The following RILP variants were observed in gnomAD, a reference collection of about 807,000 sequenced individuals.
The protein encoded by RILP is Rab interacting lysosomal protein, also known as rab-interacting lysosomal protein.
A neutral mutation model predicts 40.0 loss-of-function variants in RILP; 53 were observed. That is an observed-to-expected ratio of 1.32 (90% CI 1.06 to 1.66). RILP has a LOEUF of 1.66. Ranked by LOEUF, RILP falls within the 40% of genes most tolerant of loss-of-function variation. RILP has a pLI of 0.00. For synonymous variants in RILP, 272 were observed against 250.6 expected (o/e 1.09, Z -0.80); for missense variants, 626 against 551.7 (o/e 1.13, Z -1.35).
Position 1,648,417 on chromosome 17 carries a change from G to A in RILP, c.754C>T (p.Leu252Phe). The change falls in exon 5 of 8, where the codon CTT becomes TTT. Residue 252 changes from leucine (L) to phenylalanine (F), a missense_variant. Transcript: ENST00000301336. This position sits in a 1 kb window ranked among gnomAD's most constrained non-coding sequence, Gnocchi z 4.9. ...GCTTTGAGTTCATTCCGCTCCTGAAGGATCTGCTCAAACTCCTCCCGACTG... is the reference window on the plus strand; with the variant it reads ...GCTTTGAGTTCATTCCGCTCCTGAAAGATCTGCTCAAACTCCTCCCGACTG... ...RFSREEFEQI[L>F]QERNELKAKV... The A allele has an allele frequency of 6.2e-7, 1 of 1,614,152 alleles. No homozygotes were observed. The highest frequency in any genetic ancestry group is 1.1e-5 in the South Asian group (1 of 91,082).
In RILP at chr17:1,649,299, G is replaced by A; in HGVS notation, c.330C>T (p.Arg110=). The change falls in exon 3 of 8, where the codon CGC becomes CGT. Residue 110 remains arginine (R), a synonymous_variant. Coordinates refer to ENST00000301336, the MANE Select transcript of RILP (RefSeq NM_031430.3). The surrounding 1 kb of genome is among the most constrained non-coding windows in gnomAD (Gnocchi z 4.3). ...RELRAGPQEE[R]ALLRQLKEVT... ...CCTCCTTGAGCTGCCGCAGCAGCGC[G>A]CGCTCCTCTGAGGAAGGGGCGTTCT... is the stretch of plus-strand genomic sequence containing the variant. The A allele has an allele frequency of 6.7e-7, 1 of 1,502,380 alleles. No homozygotes were observed. The highest frequency in any genetic ancestry group is 8.8e-7 in the Non-Finnish European group (1 of 1,132,600). 93.1% of individuals were successfully genotyped at this position (1,502,380 alleles called of 1,614,324 possible). A position where few individuals can be genotyped will look rare whatever the true frequency, so the allele number is the denominator to read the frequency against.
Position 1,648,617 on chromosome 17 carries a change from C to A in RILP, c.676-122G>T. ...GACTTGGGGGACAAGGGTGCCCTAA[C>A]AGATAACAGAGCAGTGCTCCAGCTG... On this transcript the variant is annotated intron_variant, in intron 4 of 7. Coordinates refer to ENST00000301336, the MANE Select transcript of RILP (RefSeq NM_031430.3). The surrounding 1 kb of genome is among the most constrained non-coding windows in gnomAD (Gnocchi z 4.9). The A allele has an allele frequency of 6.9e-7, 1 of 1,446,326 alleles. No homozygotes were observed. Among genetic ancestry groups the A allele is most frequent in the Admixed American group, 2.4e-5 (1 of 41,654 alleles). 89.6% of individuals were successfully genotyped at this position (1,446,326 alleles called of 1,614,324 possible).
Position 1,649,533 on chromosome 17 carries a change from G to A in RILP, c.229-28C>T. The A allele has an allele frequency of 6.6e-7, 1 of 1,505,112 alleles. No homozygotes were observed. Among genetic ancestry groups the A allele is most frequent in the East Asian group, 2.5e-5 (1 of 39,376 alleles). The allele number at this position is 1,505,112 out of a possible 1,614,324, so 93.2% of individuals were successfully genotyped here. On this transcript the variant is annotated intron_variant, in intron 1 of 7. Coordinates refer to ENST00000301336, the MANE Select transcript of RILP (RefSeq NM_031430.3). The surrounding 1 kb of genome is among the most constrained non-coding windows in gnomAD (Gnocchi z 4.3). The stretch of plus-strand genomic sequence containing the variant: ...GGGGAGACCCGGGTCTCAGGCTTCG[G>A]CCCTGCCGGCCCCGTGGGTGGCGAA...
At position 1,648,310 on chromosome 17, in the gene RILP, TG is replaced by T; in HGVS notation, c.821+39del. On this transcript the variant is annotated intron_variant, in intron 5 of 7. Coordinates refer to ENST00000301336, the MANE Select transcript of RILP (RefSeq NM_031430.3). The surrounding 1 kb of genome is among the most constrained non-coding windows in gnomAD (Gnocchi z 4.9). The stretch of plus-strand genomic sequence containing the variant: ...ACATGTCAATGACTGGAGAATGAGG[TG>T]GGGTGATCGGAGGCCCCCCGGCTTC... 1 of 1,601,038 alleles carries T rather than the reference TG, an allele frequency of 6.2e-7. No individual in the cohort carries two copies.
In RILP at chr17:1,646,304, G is replaced by C; in HGVS notation, c.*138C>G. ...GGCCCCAGAGGCTCGGTACAGAGACGTAGAGAGGGAGGCGGGCTGAGACCC... is the reference window on the plus strand; with the variant it reads ...GGCCCCAGAGGCTCGGTACAGAGACCTAGAGAGGGAGGCGGGCTGAGACCC... On this transcript the variant is annotated 3_prime_UTR_variant, in exon 8 of 8. Transcript: ENST00000301336. The surrounding 1 kb of genome is among the most constrained non-coding windows in gnomAD (Gnocchi z 4.3). 1 of 751,224 alleles carries C rather than the reference G, an allele frequency of 1.3e-6. No individual in the cohort carries two copies. Among genetic ancestry groups the C allele is most frequent in the Non-Finnish European group, 2.1e-6 (1 of 480,768 alleles). 46.5% of individuals were successfully genotyped at this position (751,224 alleles called of 1,614,324 possible).
chr17:1,647,907 T>G lies in RILP; in HGVS notation c.872A>C (p.Lys291Thr), dbSNP rs1423025694. 4.3e-6 allele frequency: 7 copies of G among 1,614,168 alleles called. No individual in the cohort carries two copies. The South Asian group carries it at 7.7e-5, about 18-fold the overall frequency. The change falls in exon 6 of 8, where the codon AAG becomes ACG. Residue 291 changes from lysine to threonine, a missense_variant. Lys to Thr is a moderately conservative substitution (Grantham distance 78). Transcript: ENST00000301336. Reference sequence around the variant, plus strand: ...CTTCCGCTGCTTCCGGACAGCCACCTTCATGGCCTCGAGCAGAAGGCCGGG... The same window carrying G: ...CTTCCGCTGCTTCCGGACAGCCACCGTCATGGCCTCGAGCAGAAGGCCGGG... ...RVPGLLLEAM[K>T]VAVRKQRKKI...
chr17:1,648,885 G>A lies in RILP; in HGVS notation c.589C>T (p.Gln197Ter), dbSNP rs1370336717. The change falls in exon 4 of 8, where the codon CAG becomes TAG. Residue 197 changes from glutamine (Q) to a stop codon, truncating the protein, a stop_gained. Coordinates refer to ENST00000301336, the MANE Select transcript of RILP (RefSeq NM_031430.3). LOFTEE classifies it high-confidence loss of function. This position sits in a 1 kb window ranked among gnomAD's most constrained non-coding sequence, Gnocchi z 4.9. Reference protein sequence around the residue: ...TPQAKERARGQAGRPGHQHGQ... With the variant: ...TPQAKERARG Reference sequence around the variant, plus strand: ...TGCTGGTGCCCGGGCCGCCCGGCCTGCCCCCGCGCTCGCTCTTTAGCCTGC... The same window carrying A: ...TGCTGGTGCCCGGGCCGCCCGGCCTACCCCCGCGCTCGCTCTTTAGCCTGC... 16 of 1,530,262 alleles carry A rather than the reference G, an allele frequency of 1.0e-5. No individual in the cohort carries two copies. The highest frequency in any genetic ancestry group is 3.9e-5 in the Admixed American group (2 of 51,192). 94.8% of individuals were successfully genotyped at this position (1,530,262 alleles called of 1,614,324 possible). A position where few individuals can be genotyped will look rare whatever the true frequency, so the allele number is the denominator to read the frequency against.
At position 1,649,663 on chromosome 17, in the gene RILP, G is replaced by T. The variant is rs1158644680; in HGVS notation, c.142C>A (p.Pro48Thr). Residue 48 changes from proline (P) to threonine (T), a missense_variant, in exon 1 of 8, where the codon CCG becomes ACG. By Grantham distance (38) the Pro-to-Thr change is conservative. Coordinates refer to ENST00000301336, the MANE Select transcript of RILP (RefSeq NM_031430.3). The surrounding 1 kb of genome is among the most constrained non-coding windows in gnomAD (Gnocchi z 4.3). ...ELQDLARRFGPEAAAGLVPLV... is the reference protein window; with the variant it reads ...ELQDLARRFGTEAAAGLVPLV... ...GGCACCAGCCCGGCCGCCGCCTCCGGCCCGAAACGGCGCGCCAGATCCTGC... is the reference window on the plus strand; with the variant it reads ...GGCACCAGCCCGGCCGCCGCCTCCGTCCCGAAACGGCGCGCCAGATCCTGC... The T allele has an allele frequency of 3.1e-6, 5 of 1,589,052 alleles. No individual in the cohort carries two copies. Among genetic ancestry groups the T allele is most frequent in the South Asian group, 2.2e-5 (2 of 89,904 alleles).
In RILP at chr17:1,648,967, C is replaced by G. The variant is rs1292351738; in HGVS notation, c.507G>C (p.Leu169=). The change falls in exon 4 of 8, where the codon CTG becomes CTC. Residue 169 remains leucine, a synonymous_variant. Coordinates refer to ENST00000301336, the MANE Select transcript of RILP (RefSeq NM_031430.3). This position sits in a 1 kb window ranked among gnomAD's most constrained non-coding sequence, Gnocchi z 4.9. ...CCCTCTCGCGGTCCTGCGCGGCGCG[C>G]AGCTGGGTCTGCATGGCCGCCAGCT... is the stretch of plus-strand genomic sequence containing the variant. ...RHKLAAMQTQ[L]RAAQDRERER... is the part of the protein sequence containing the mutation. 6.0e-6 allele frequency: 9 copies of G among 1,498,154 alleles called. No individual in the cohort carries two copies. The highest frequency in any genetic ancestry group is 2.1e-5 in the Admixed American group (1 of 47,910). 92.8% of individuals were successfully genotyped at this position (1,498,154 alleles called of 1,614,324 possible).
chr17:1,646,293 G>C lies in RILP; in HGVS notation c.*149C>G. ...CTCTTATATCTGGCCCCAGAGGCTCGGTACAGAGACGTAGAGAGGGAGGCG... is the reference window on the plus strand; with the variant it reads ...CTCTTATATCTGGCCCCAGAGGCTCCGTACAGAGACGTAGAGAGGGAGGCG... On this transcript the variant is annotated 3_prime_UTR_variant, in exon 8 of 8. Transcript: ENST00000301336. This position sits in a 1 kb window ranked among gnomAD's most constrained non-coding sequence, Gnocchi z 4.3. 1.6e-6 allele frequency: 1 copy of C among 634,858 alleles called. No homozygotes were observed. Among genetic ancestry groups the C allele is most frequent in the Non-Finnish European group, 2.5e-6 (1 of 398,348 alleles). The allele number at this position is 634,858 out of a possible 1,614,324, so 39.3% of individuals were successfully genotyped here. A position where few individuals can be genotyped will look rare whatever the true frequency, so the allele number is the denominator to read the frequency against.
In RILP at chr17:1,647,860, C is replaced by T; in HGVS notation, c.919G>A (p.Gly307Arg). 1.2e-6 allele frequency: 2 copies of T among 1,614,164 alleles called. No homozygotes were observed. Among genetic ancestry groups the T allele is most frequent in the Non-Finnish European group, 1.7e-6 (2 of 1,180,018 alleles). The change falls in exon 6 of 8, where the codon GGG (glycine) becomes AGG (arginine). Residue 307 changes from glycine to arginine, a missense_variant. By Grantham distance (125) the Gly-to-Arg change is moderately radical. Transcript: ENST00000301336. ...QRKKIKAKML[G>R]TPEEAESSED... ...CTGCTCTCTGCTTCCTCTGGTGTCC[C>T]TAACATCTTGGCCTTGATCTTCTTC...
Position 1,649,670 on chromosome 17 carries a change from A to G in RILP, c.135T>C (p.Arg45=). The G allele has an allele frequency of 1.3e-6, 2 of 1,589,998 alleles. No homozygotes were observed. Among genetic ancestry groups the G allele is most frequent in the Non-Finnish European group, 1.7e-6 (2 of 1,175,802 alleles). ...GCCCGGCCGCCGCCTCCGGCCCGAA[A>G]CGGCGCGCCAGATCCTGCAGCTCAG... The part of the protein sequence containing the change: ...LGTELQDLAR[R]FGPEAAAGLV... Residue 45 remains arginine (R), a synonymous_variant, in exon 1 of 8, where the codon CGT becomes CGC. Transcript: ENST00000301336. The surrounding 1 kb of genome is among the most constrained non-coding windows in gnomAD (Gnocchi z 4.3).
At chr17:1,647,717 T>C (rs1910698364) in intron 6 of RILP, 118 bp downstream of exon 6, 8 of 1,325,514 alleles carry the variant, frequency 6.0e-6, no homozygotes, top group Non-Finnish European at 8.6e-6. Context: ...GGTGACCGGG[T>C]TGGGGTGACA....
In RILP at chr17:1,649,797, G is replaced by A. The variant is rs1349139562; in HGVS notation, c.8C>T (p.Pro3Leu). The stretch of plus-strand genomic sequence containing the variant: ...AGGCACCCCGGGCGCCGCCCTCCTG[G>A]GCTCCATGTCTCCCAGAGGCTTAGG... ME[P>L]RRAAPGVPGW... The change falls in exon 1 of 8, where the codon CCC (proline) becomes CTC (leucine). Residue 3 changes from proline (P) to leucine (L), a missense_variant. Coordinates refer to ENST00000301336, the MANE Select transcript of RILP (RefSeq NM_031430.3). The surrounding 1 kb of genome is among the most constrained non-coding windows in gnomAD (Gnocchi z 4.3). 5.2e-6 allele frequency: 8 copies of A among 1,546,060 alleles called. No individual in the cohort carries two copies. Among genetic ancestry groups the A allele is most frequent in the Non-Finnish European group, 6.9e-6 (8 of 1,152,740 alleles).
rs1400765396 is a variant in RILP at position 1,648,657 on chromosome 17, G to C, written c.675+142C>G. On this transcript the variant is annotated intron_variant, in intron 4 of 7. Transcript: ENST00000301336. The surrounding 1 kb of genome is among the most constrained non-coding windows in gnomAD (Gnocchi z 4.9). ...TGCTCCAGCTGAGAGCGGGGGCCGAGGCCGGCCGGGGGCGCAGATCTGTCT... is the reference window on the plus strand; with the variant it reads ...TGCTCCAGCTGAGAGCGGGGGCCGACGCCGGCCGGGGGCGCAGATCTGTCT... The C allele has an allele frequency of 1.4e-6, 2 of 1,400,444 alleles. No individual in the cohort carries two copies. The highest frequency in any genetic ancestry group is 2.9e-5 in the African/African-American group (2 of 68,996). 86.8% of individuals were successfully genotyped at this position (1,400,444 alleles called of 1,614,324 possible).
In RILP at chr17:1,646,375, G is replaced by A. The variant is rs1199686069; in HGVS notation, c.*67C>T. 6.9e-7 allele frequency: 1 copy of A among 1,453,264 alleles called. No homozygotes were observed. Among genetic ancestry groups the A allele is most frequent in the Admixed American group, 2.3e-5 (1 of 43,180 alleles). The allele number at this position is 1,453,264 out of a possible 1,614,324, so 90.0% of individuals were successfully genotyped here. Reference sequence around the variant, plus strand: ...CAGGATTGGGGCAGACCCCTGGCGAGGGCTGTGAAGGCGGGAGCCCTGTCC... The same window carrying A: ...CAGGATTGGGGCAGACCCCTGGCGAAGGCTGTGAAGGCGGGAGCCCTGTCC... On this transcript the variant is annotated 3_prime_UTR_variant, in exon 8 of 8. Transcript: ENST00000301336. The surrounding 1 kb of genome is among the most constrained non-coding windows in gnomAD (Gnocchi z 4.3).
chr17:1,649,468 C>T lies in RILP; in HGVS notation c.266G>A (p.Arg89Gln), dbSNP rs1439055325. Residue 89 changes from arginine (R) to glutamine (Q), a missense_variant, in exon 2 of 8, where the codon CGG becomes CAG. Arg to Gln is a conservative substitution (Grantham distance 43). Transcript: ENST00000301336. The surrounding 1 kb of genome is among the most constrained non-coding windows in gnomAD (Gnocchi z 4.3). ...GCGCTCGTTCTCCTCCCGCAGCCGCCGCAGCTCCTGCTCCGCCGGCTGCGC... is the reference window on the plus strand; with the variant it reads ...GCGCTCGTTCTCCTCCCGCAGCCGCTGCAGCTCCTGCTCCGCCGGCTGCGC... ...VSAQPAEQEL[R>Q]RLREENERLR... The T allele has an allele frequency of 3.3e-6, 5 of 1,513,390 alleles. No individual in the cohort carries two copies. In the East Asian group the frequency reaches 1.0e-4, roughly 32 times the overall value. The allele number at this position is 1,513,390 out of a possible 1,614,324, so 93.7% of individuals were successfully genotyped here.
At chr17:1,647,228 C>T (rs1163946189) in intron 6 of RILP, among the ~76,000 whole-genome samples, 1 of 152,106 alleles carries the variant, frequency 6.6e-6, no homozygotes, top group Non-Finnish European at 1.5e-5. Context: ...CAACCTCCGC[C>T]TCCCAAGTTC....
In RILP at chr17:1,649,728, TCCGCGGCCGATGCCGACC is replaced by T. The variant is rs751278857; in HGVS notation, c.59_76del (p.Gly20_Ala25del). The T allele has an allele frequency of 7.0e-5, 111 of 1,591,224 alleles. No homozygotes were observed. Among genetic ancestry groups the T allele is most frequent in the Non-Finnish European group, 8.6e-5 (101 of 1,176,402 alleles). On this transcript the variant is annotated inframe_deletion, in exon 1 of 8. Transcript: ENST00000301336. The surrounding 1 kb of genome is among the most constrained non-coding windows in gnomAD (Gnocchi z 4.3). Reference sequence around the variant, plus strand: ...GGCCCCGGCTAGATGGTACACAAGCTCCGCGGCCGATGCCGACCCCGCGGCCTCCCGAGACCCCCAGCC... The same window carrying T: ...GGCCCCGGCTAGATGGTACACAAGCTCCGCGGCCTCCCGAGACCCCCAGCC...
Sources: gnomAD v4.1 joint callset for allele counts (sites outside exome capture counted in the v4.1 genomes callset) on GRCh38, gnomAD v4.1.1 for gene constraint, Gnocchi (gnomAD v3.1) non-coding constraint, MANE v1.5 for transcripts, NCBI Gene and HGNC (gene_info 2026-07-23, HGNC 2026-07-21) for gene names.